Variants in NBN observed in about 807,000 individuals in gnomAD.
NBN encodes the protein nibrin, also known as Nijmegen breakage syndrome 1 (nibrin).
A neutral mutation model predicts 90.8 loss-of-function variants in NBN; 88 were observed. The observed-to-expected ratio is 0.97, with a 90% CI of 0.82 to 1.16. The LOEUF (loss-of-function observed/expected upper bound fraction) is 1.16. Among genes scored for constraint, NBN ranks in the 50% most tolerant of loss-of-function variants. NBN has a pLI of 0.00. For missense variants in NBN, 894 were observed against 869.6 expected (o/e 1.03, Z -0.35); for synonymous variants, 328 against 295.1 (o/e 1.11, Z -1.14).
intron 5 of NBN, among the ~76,000 whole-genome samples, chr8:89,976,144 A>G (rs959349160): frequency 2.0e-5 from 3 of 152,124 alleles, no homozygotes; most frequent in African/African-American, 7.2e-5. Flanking sequence ...GGCACCTGCC[A>G]CCACACCCAG....
At chr8:89,982,437 A>G in intron 2 of NBN, 1 of 449,126 alleles carries the variant, frequency 2.2e-6, no homozygotes, top group Non-Finnish European at 4.0e-6. Flanking sequence ...AGTAAACAAT[A>G]AATGTTTAGT....
At chr8:89,979,343 G>C (rs1805795) in intron 4 of NBN, among the ~76,000 whole-genome samples, 46,877 of 151,982 alleles carry the variant, frequency 0.31, 7,482 homozygotes, top group East Asian at 0.45. Flanking sequence ...GATTTAGATT[G>C]TCTCTCAAGA....
intron 9 of NBN, among the ~76,000 whole-genome samples, chr8:89,956,202 A>G (rs1166147531): frequency 1.3e-5 from 2 of 151,050 alleles, no homozygotes; most frequent in African/African-American, 4.8e-5. Flanking sequence ...TTACAGAAAA[A>G]AAAAAAACAA....
intron 8 of NBN, among the ~76,000 whole-genome samples, chr8:89,960,027 T>G (rs1183555720): frequency 1.3e-5 from 2 of 152,168 alleles, no homozygotes; most frequent in African/African-American, 4.8e-5. Context: ...GACTAAGTCT[T>G]GTGTATTTCT....
In NBN at chr8:89,964,539, T is replaced by C. The variant is rs749850801; in HGVS notation, c.897-32A>G. The C allele has an allele frequency of 3.2e-6, 5 of 1,554,672 alleles. No homozygotes were observed. The African/African-American group carries it at 4.1e-5, about 13-fold the overall frequency. The stretch of plus-strand genomic sequence containing the variant: ...GAATAAAATAGTTTAAGTATGATAA[T>C]ATATTAAAACTAGCAACTTTTATTC... On this transcript the variant is annotated intron_variant, in intron 7 of 15. Transcript: ENST00000265433.
rs1425101720 is a variant in NBN at position 89,946,171 on chromosome 8, C to A, written c.2039G>T (p.Gly680Val). 6.2e-7 allele frequency: 1 copy of A among 1,600,240 alleles called. No individual in the cohort carries two copies. Among genetic ancestry groups the A allele is most frequent in the Non-Finnish European group, 8.6e-7 (1 of 1,168,266 alleles). ...RNPSGINDDY[G>V]QLKNFKKFKK... ...GAATTTCTTGAAATTTTTTAGTTGACCATAATCATCATTTATGCCAGATGG... is the reference window on the plus strand; with the variant it reads ...GAATTTCTTGAAATTTTTTAGTTGAACATAATCATCATTTATGCCAGATGG... Residue 680 changes from glycine to valine, a missense_variant, in exon 13 of 16, where the codon GGT (glycine) becomes GTT (valine). Physicochemically the swap from Gly to Val is moderately radical, Grantham distance 109 (BLOSUM62 -3). Coordinates refer to ENST00000265433, the MANE Select transcript of NBN (RefSeq NM_002485.5).
At chr8:89,944,086 G>C (rs1247705997) in intron 13 of NBN, among the ~76,000 whole-genome samples, 1 of 151,860 alleles carries the variant, frequency 6.6e-6, no homozygotes, top group Admixed American at 6.6e-5. Context: ...TTGATTTGGA[G>C]GGTTTTTTGT....
intron 14 of NBN, among the ~76,000 whole-genome samples, chr8:89,938,393 G>A (rs1382989297): frequency 6.6e-6 from 1 of 152,062 alleles, no homozygotes; most frequent in Admixed American, 6.6e-5. Flanking sequence ...GACTTACTGT[G>A]TTTATTTTTA....
At chr8:89,971,067 C>A (rs1458816473) in intron 6 of NBN, 106 bp downstream of exon 6, 18 of 1,284,466 alleles carry the variant, frequency 1.4e-5, no homozygotes, top group Non-Finnish European at 1.6e-5. Context: ...CACACTTTTA[C>A]ACAAAATCCC....
chr8:89,981,554 T>C (rs748064929), intron 2 of NBN, 31 bp from the exon 3 acceptor site: 7 of 1,610,004 alleles, frequency 4.3e-6, no homozygotes, highest in Non-Finnish European at 8.5e-7. Context: ...TTAAAGTCTT[T>C]TACCACTCAG....
Position 89,946,516 on chromosome 8 carries a change from ACATACT to A in NBN, c.1915-227_1915-222del. ...TCTATAAACTTTGGAAACATTTATA[ACATACT>A]CATCTGTGACAGAAGGCTAAAAACT... On this transcript the variant is annotated intron_variant, in intron 12 of 15. Coordinates refer to ENST00000265433, the MANE Select transcript of NBN (RefSeq NM_002485.5). The A allele has an allele frequency of 6.0e-6, 3 of 498,278 alleles. No homozygotes were observed. The South Asian group carries it at 6.6e-5, about 11-fold the overall frequency. The allele number at this position is 498,278 out of a possible 1,614,324, so 30.9% of individuals were successfully genotyped here. A position where few individuals can be genotyped will look rare whatever the true frequency, so the allele number is the denominator to read the frequency against.
In NBN at chr8:89,953,672, G is replaced by A. The variant is rs755805461; in HGVS notation, c.1417C>T (p.Gln473Ter). 6.2e-7 allele frequency: 1 copy of A among 1,610,646 alleles called. No individual in the cohort carries two copies. The highest frequency in any genetic ancestry group is 2.2e-5 in the East Asian group (1 of 44,822). ...GCTGATTTGCATGAAGACATTTCTTGATTTTCTTCATCCCTTTCCCTTAGA... is the reference window on the plus strand; with the variant it reads ...GCTGATTTGCATGAAGACATTTCTTAATTTTCTTCATCCCTTTCCCTTAGA... ...TKKRERDEEN[Q>*]EMSSCKSARI... is the part of the protein sequence containing the mutation. Residue 473 changes from glutamine (Q) to a stop codon, truncating the protein, a stop_gained, in exon 11 of 16, where the codon CAA (glutamine) becomes TAA (stop). Transcript: ENST00000265433. LOFTEE classifies it high-confidence loss of function.
Position 89,946,083 on chromosome 8 carries a change from G to A in NBN, c.2070+57C>T. 5 of 1,280,960 alleles carry A rather than the reference G, an allele frequency of 3.9e-6. No homozygotes were observed. The South Asian group carries it at 4.8e-5, about 12-fold the overall frequency. The allele number at this position is 1,280,960 out of a possible 1,614,324, so 79.3% of individuals were successfully genotyped here. A position where few individuals can be genotyped will look rare whatever the true frequency, so the allele number is the denominator to read the frequency against. Reference sequence around the variant, plus strand: ...GCTTTTATCTTTGTTTAGCATCACTGGTATCTCTAAAAACATTTCAAACAC... The same window carrying A: ...GCTTTTATCTTTGTTTAGCATCACTAGTATCTCTAAAAACATTTCAAACAC... On this transcript the variant is annotated intron_variant, in intron 13 of 15. Transcript: ENST00000265433.
At position 89,982,817 on chromosome 8, in the gene NBN, C is replaced by T. The variant is rs752964949; in HGVS notation, c.76G>A (p.Val26Ile). 1 of 1,613,602 alleles carries T rather than the reference C, an allele frequency of 6.2e-7. No individual in the cohort carries two copies. ...YRLLTGVEYV[V>I]GRKNCAILIE... is the part of the protein sequence containing the mutation. ...AGAATGGCACAGTTTTTCCTTCCAACAACGTACTCAACGCCAGTCAAAAGT... is the reference window on the plus strand; with the variant it reads ...AGAATGGCACAGTTTTTCCTTCCAATAACGTACTCAACGCCAGTCAAAAGT... The change falls in exon 2 of 16, where the codon GTT becomes ATT. Residue 26 changes from valine (V) to isoleucine (I), a missense_variant. Physicochemically the swap from Val to Ile is conservative, Grantham distance 29 (BLOSUM62 3). Transcript: ENST00000265433.
intron 8 of NBN, 44 bp from the exon 9 acceptor site, chr8:89,958,898 T>C (rs763033661): frequency 6.3e-5 from 102 of 1,608,848 alleles, no homozygotes; most frequent in Non-Finnish European, 8.4e-5. Flanking sequence ...AACTGCTAGA[T>C]AGAAGATGAA....
intron 14 of NBN, among the ~76,000 whole-genome samples, chr8:89,941,040 G>A (rs970425137): frequency 1.1e-4 from 17 of 152,122 alleles, no homozygotes; most frequent in Non-Finnish European, 1.8e-4. Context: ...TACAGTGAAA[G>A]AGCCTAAGAA....
intron 9 of NBN, among the ~76,000 whole-genome samples, chr8:89,955,776 A>C (rs1810686295): frequency 6.6e-6 from 1 of 152,090 alleles, no homozygotes; most frequent in African/African-American, 2.4e-5. Context: ...CCCCTACAGC[A>C]CATATTGTTG....
At chr8:89,944,483 G>A (rs964397916) in intron 13 of NBN, among the ~76,000 whole-genome samples, 2 of 152,058 alleles carry the variant, frequency 1.3e-5, no homozygotes, top group Admixed American at 6.6e-5. Context: ...CAGTCCTCTC[G>A]CTGAGGCACC....
At chr8:89,952,203 A>G (rs1810475803) in intron 11 of NBN, among the ~76,000 whole-genome samples, 2 of 152,222 alleles carry the variant, frequency 1.3e-5, no homozygotes, top group African/African-American at 4.8e-5. Context: ...TACGGAAGCC[A>G]CTGATTTTAG....
Sources: gnomAD v4.1 joint callset for allele counts (sites outside exome capture counted in the v4.1 genomes callset) on GRCh38, gnomAD v4.1.1 for gene constraint, MANE v1.5 for transcripts, NCBI Gene and HGNC (gene_info 2026-07-23, HGNC 2026-07-21) for gene names.